The following EPSTI1 variants were observed in gnomAD, a reference collection of about 807,000 sequenced individuals.
EPSTI1 encodes epithelial-stromal interaction protein 1.
A neutral mutation model predicts 49.9 loss-of-function variants in EPSTI1; 66 were observed. The ratio of observed to expected loss-of-function variants is 1.32; its 90% CI spans 1.08 to 1.62. EPSTI1 has a LOEUF of 1.62. EPSTI1 is among the 40% of genes most tolerant of loss of function. EPSTI1 has a pLI of 0.00. For synonymous variants in EPSTI1, 137 were observed against 130.7 expected (o/e 1.05, Z -0.33); for missense variants, 394 against 365.5 (o/e 1.08, Z -0.64).
intron 7 of EPSTI1, among the ~76,000 whole-genome samples, chr13:42,919,628 C>G (rs1468566730): frequency 1.3e-5 from 2 of 151,980 alleles, no homozygotes; most frequent in African/African-American, 4.8e-5. Context: ...GAAAGTCAAA[C>G]GAGAAGACTA....
intron 8 of EPSTI1, among the ~76,000 whole-genome samples, chr13:42,904,166 C>T (rs192396797): frequency 7.8e-4 from 119 of 152,260 alleles, no homozygotes; most frequent in African/African-American, 2.6e-3. Flanking sequence ...AGGATTAAAA[C>T]ACACTGATGT....
At chr13:42,943,565 G>A (rs1306656214) in intron 6 of EPSTI1, among the ~76,000 whole-genome samples, 2 of 152,208 alleles carry the variant, frequency 1.3e-5, no homozygotes, top group Non-Finnish European at 2.9e-5. Context: ...TTAAACTCAG[G>A]CAGTCTAACC....
chr13:42,939,116 C>T (rs2038666230), intron 6 of EPSTI1, among the ~76,000 whole-genome samples: 1 of 152,076 alleles, frequency 6.6e-6, no homozygotes, highest in South Asian at 2.1e-4. Flanking sequence ...GCTTCCTCAT[C>T]TCTCTCAGCT....
At chr13:42,978,023 G>A (rs1186264686) in intron 1 of EPSTI1, among the ~76,000 whole-genome samples, 2 of 151,972 alleles carry the variant, frequency 1.3e-5, no homozygotes, top group Non-Finnish European at 2.9e-5. Flanking sequence ...TGTAGTGGCG[G>A]GCGCCTGTAG....
At chr13:42,938,913 T>TAAAAAAAAAAAAAAA (rs2038655068) in intron 6 of EPSTI1, among the ~76,000 whole-genome samples, 1 of 3,308 alleles carries the variant, frequency 3.0e-4, no homozygotes, top group Non-Finnish European at 5.9e-4. Flanking sequence ...AGACTCTGTC[T>TAAAAAAAAAAAAAAA]CAAAAAAAAA....
intron 5 of EPSTI1, among the ~76,000 whole-genome samples, chr13:42,957,298 T>G (rs1230618563): frequency 6.6e-6 from 1 of 152,214 alleles, no homozygotes; most frequent in Non-Finnish European, 1.5e-5. Flanking sequence ...ATATCAAGCA[T>G]GCAGCAAAAT....
At chr13:42,947,029 T>C (rs1200474295) in intron 6 of EPSTI1, among the ~76,000 whole-genome samples, 1 of 152,126 alleles carries the variant, frequency 6.6e-6, no homozygotes, top group Non-Finnish European at 1.5e-5. Context: ...TAAACACAGA[T>C]AAGTAAAACA....
intron 2 of EPSTI1, chr13:42,970,041 G>C (rs1280026394): frequency 1.3e-5 from 2 of 152,310 alleles, no homozygotes; most frequent in African/African-American, 4.8e-5. Context: ...AGACTCTTTA[G>C]AGAGCTTTTT....
intron 10 of EPSTI1, among the ~76,000 whole-genome samples, chr13:42,891,831 A>C (rs1390200527): frequency 6.6e-6 from 1 of 152,230 alleles, no homozygotes. Flanking sequence ...TGGAACATAC[A>C]TCACCACAGG....
At chr13:42,915,498 C>G (rs554885596) in intron 8 of EPSTI1, among the ~76,000 whole-genome samples, 1 of 152,174 alleles carries the variant, frequency 6.6e-6, no homozygotes, top group Admixed American at 6.5e-5. Flanking sequence ...TGCCACTGCA[C>G]TCCAATATGG....
chr13:42,990,170 A>G (rs1458242394), intron 1 of EPSTI1, among the ~76,000 whole-genome samples: 2 of 138,726 alleles, frequency 1.4e-5, no homozygotes, highest in Non-Finnish European at 3.1e-5. Context: ...ACTGGTTCAC[A>G]TGAGGAAAAA....
intron 1 of EPSTI1, among the ~76,000 whole-genome samples, chr13:42,986,806 G>T (rs549405313): frequency 6.6e-6 from 1 of 151,266 alleles, no homozygotes; most frequent in African/African-American, 2.4e-5. Flanking sequence ...CTGGGGAGAG[G>T]CGGGGGCTGG....
intron 8 of EPSTI1, among the ~76,000 whole-genome samples, chr13:42,905,525 G>C (rs764248169): frequency 2.0e-5 from 3 of 152,130 alleles, no homozygotes; most frequent in Non-Finnish European, 4.4e-5. Flanking sequence ...TCAATATCTA[G>C]AGTTAAGCAA....
chr13:42,989,175 T>A (rs2040141341), intron 1 of EPSTI1, among the ~76,000 whole-genome samples: 1 of 151,970 alleles, frequency 6.6e-6, no homozygotes, highest in African/African-American at 2.4e-5. Context: ...GTAGGTGTTT[T>A]AAACCAGTGT....
At chr13:42,979,642 A>G (rs1344535769) in intron 1 of EPSTI1, among the ~76,000 whole-genome samples, 1 of 151,880 alleles carries the variant, frequency 6.6e-6, no homozygotes, top group South Asian at 2.1e-4. Context: ...GCAAAGTTAT[A>G]TATTATTAAA....
At chr13:42,954,785 C>T (rs2039208703) in intron 5 of EPSTI1, among the ~76,000 whole-genome samples, 1 of 152,124 alleles carries the variant, frequency 6.6e-6, no homozygotes, top group South Asian at 2.1e-4. Flanking sequence ...AGAGTTGAAA[C>T]ACATTCTACT....
At position 42,992,083 on chromosome 13, in the gene EPSTI1, G is replaced by A; in HGVS notation, c.83C>T (p.Ser28Phe). The A allele has an allele frequency of 6.2e-7, 1 of 1,613,252 alleles. No homozygotes were observed. The highest frequency in any genetic ancestry group is 1.3e-5 in the African/African-American group (1 of 75,066). Reference sequence around the variant, plus strand: ...GGGGCTCAGCTCCCCTTGCCGCCCAGAAGGGTCCTGGGGATCCCGGGTCGG... The same window carrying A: ...GGGGCTCAGCTCCCCTTGCCGCCCAAAAGGGTCCTGGGGATCCCGGGTCGG... ...SRPTRDPQDP[S>F]GRQGELSPVE... is the part of the protein sequence containing the mutation. Residue 28 changes from serine (S) to phenylalanine (F), a missense_variant, in exon 1 of 11, where the codon TCT becomes TTT. Physicochemically the swap from Ser to Phe is radical, Grantham distance 155. Transcript: ENST00000313624.
intron 6 of EPSTI1, among the ~76,000 whole-genome samples, chr13:42,939,261 T>G (rs771105305): frequency 6.6e-6 from 1 of 152,196 alleles, no homozygotes; most frequent in Non-Finnish European, 1.5e-5. Flanking sequence ...TTTGCCTTCG[T>G]ATCATTCACA....
In EPSTI1 at chr13:42,922,456, T is replaced by C. The variant is rs1338517150; in HGVS notation, c.657+3880A>G. Among the ~76,000 whole-genome samples the C allele has an allele frequency of 1.3e-5, 2 of 152,204 alleles. No homozygotes were observed. The highest frequency in any genetic ancestry group is 1.9e-4 in the East Asian group (1 of 5,184). ...TGAGATGGAAGCTAAACTGGAGCCATGCAGCCGTGTGCCAAGGGTTTGCGG... is the reference window on the plus strand; with the variant it reads ...TGAGATGGAAGCTAAACTGGAGCCACGCAGCCGTGTGCCAAGGGTTTGCGG... On this transcript the variant is annotated intron_variant, in intron 7 of 10. Coordinates refer to ENST00000313624, the MANE Select transcript of EPSTI1 (RefSeq NM_033255.5). This position sits in a 1 kb window ranked among gnomAD's most constrained non-coding sequence, Gnocchi z 4.8.
Sources: allele counts gnomAD v4.1 joint callset (sites outside exome capture counted in the v4.1 genomes callset), GRCh38; gene constraint gnomAD v4.1.1; non-coding constraint Gnocchi (gnomAD v3.1); transcripts MANE v1.5; gene names NCBI Gene and HGNC (gene_info 2026-07-23, HGNC 2026-07-21).